GPR107: variants seen among roughly 807,000 people sequenced by gnomAD.
The protein encoded by GPR107 is G protein-coupled receptor 107.
Under a neutral mutation model 75.5 loss-of-function variants are expected in GPR107, and 31 were observed. The ratio of observed to expected loss-of-function variants is 0.41; its 90% CI spans 0.31 to 0.55. The LOEUF (loss-of-function observed/expected upper bound fraction) is 0.55. Among genes scored for constraint, GPR107 ranks in the 20% least tolerant of loss-of-function variants. The pLI is 0.26. For missense variants in GPR107, 572 were observed against 665.7 expected, an observed-to-expected ratio of 0.86 and a Z score of 1.55; for synonymous variants, 267 against 251.3, an observed-to-expected ratio of 1.06 and a Z score of -0.59.
intron 14 of GPR107, among the ~76,000 whole-genome samples, chr9:130,123,022 CAG>C (rs1178013517): frequency 6.6e-6 from 1 of 152,000 alleles, no homozygotes; most frequent in Admixed American, 6.6e-5. Context: ...TGATGAGAAC[CAG>C]AGAGATTTAA....
At chr9:130,113,692 T>C (rs1831357799) in intron 14 of GPR107, among the ~76,000 whole-genome samples, 1 of 152,204 alleles carries the variant, frequency 6.6e-6, no homozygotes, top group Non-Finnish European at 1.5e-5. Flanking sequence ...TCCATAGTCA[T>C]GCATGGGGGT....
Position 130,076,397 on chromosome 9 carries a change from T to C in GPR107, c.256-15T>C. 1 of 1,490,356 alleles carries C rather than the reference T, an allele frequency of 6.7e-7. No homozygotes were observed. Among genetic ancestry groups the C allele is most frequent in the South Asian group, 1.1e-5 (1 of 88,342 alleles). 92.3% of individuals were successfully genotyped at this position (1,490,356 alleles called of 1,614,324 possible). On this transcript the variant is annotated splice_polypyrimidine_tract_variant and intron_variant, in intron 2 of 17. Coordinates refer to ENST00000347136, the MANE Select transcript of GPR107 (RefSeq NM_020960.5). ...TGTGTAGATATTTACTTCTACTGTT[T>C]TTACTCCCCATTAGATTGGATTTAG...
intron 17 of GPR107, among the ~76,000 whole-genome samples, chr9:130,131,483 C>A (rs1831826357): frequency 6.6e-6 from 1 of 152,134 alleles, no homozygotes; most frequent in Non-Finnish European, 1.5e-5. Context: ...ACCTCCTGCG[C>A]TACCACACAC....
At position 130,064,373 on chromosome 9, in the gene GPR107, A is replaced by G. The variant is rs56130936; in HGVS notation, c.141+10300A>G. Reference sequence around the variant, plus strand: ...CCACCGCGCCCGGCTAATTTTTTGTATTTTTTTTAGTAGAGACGGGGTTTC... The same window carrying G: ...CCACCGCGCCCGGCTAATTTTTTGTGTTTTTTTTAGTAGAGACGGGGTTTC... On this transcript the variant is annotated intron_variant, in intron 1 of 17. Coordinates refer to ENST00000347136, the MANE Select transcript of GPR107 (RefSeq NM_020960.5). Among the ~76,000 whole-genome samples, 82 of 141,288 alleles carry G rather than the reference A, an allele frequency of 5.8e-4. 1 individual carries two copies. In the East Asian group the frequency reaches 0.014, roughly 25 times the overall value. 92.7% of individuals were successfully genotyped at this position (141,288 alleles called of 152,430 possible).
chr9:130,062,648 G>GCCTTCCTTCCTT (rs1335996975), intron 1 of GPR107, among the ~76,000 whole-genome samples: 1 of 95,416 alleles, frequency 1.0e-5, no homozygotes, highest in Non-Finnish European at 2.1e-5. Flanking sequence ...CTGCCTGCCT[G>GCCTTCCTTCCTT]CCTGCCTGCC....
Position 130,139,327 on chromosome 9 carries a change from C to T in GPR107, c.*4206C>T, listed in dbSNP as rs782326121. On this transcript the variant is annotated 3_prime_UTR_variant, in exon 18 of 18. Coordinates refer to ENST00000347136, the MANE Select transcript of GPR107 (RefSeq NM_020960.5). Reference sequence around the variant, plus strand: ...TTTCCCTAGGGTGTTTCTGGCAGGGCGTTTTTAAAAGGCATCTACCTGAGT... The same window carrying T: ...TTTCCCTAGGGTGTTTCTGGCAGGGTGTTTTTAAAAGGCATCTACCTGAGT... The T allele has an allele frequency of 7.2e-5, 11 of 152,146 alleles. No homozygotes were observed. Among genetic ancestry groups the T allele is most frequent in the Non-Finnish European group, 1.2e-4 (8 of 68,024 alleles). 9.4% of individuals were successfully genotyped at this position (152,146 alleles called of 1,614,324 possible).
chr9:130,081,277 C>T (rs1830488657), intron 5 of GPR107, among the ~76,000 whole-genome samples: 2 of 152,084 alleles, frequency 1.3e-5, no homozygotes, highest in African/African-American at 4.8e-5. Context: ...GTGGTTCATC[C>T]CTGTAATCCC....
chr9:130,093,187 GCCCAT>G (rs1564671371), intron 9 of GPR107, among the ~76,000 whole-genome samples: 2 of 146,950 alleles, frequency 1.4e-5, no homozygotes. Flanking sequence ...CCTCTTCAAA[GCCCAT>G]CTGCCTGGCT....
chr9:130,107,382 G>A, intron 13 of GPR107, 114 bp from the exon 14 acceptor site: 1 of 733,756 alleles, frequency 1.4e-6, no homozygotes, highest in South Asian at 1.5e-5. Context: ...AAGTGATGTA[G>A]TCCAACCTTT....
At chr9:130,113,818 T>A (rs1469542923) in intron 14 of GPR107, among the ~76,000 whole-genome samples, 2 of 152,144 alleles carry the variant, frequency 1.3e-5, no homozygotes, top group Non-Finnish European at 2.9e-5. Flanking sequence ...AGCAACCTCT[T>A]GTCAGGTTTT....
intron 1 of GPR107, among the ~76,000 whole-genome samples, chr9:130,070,014 A>ATTTTTTTTTTTTTTTTTTTTTTTT (rs1480334762): frequency 2.4e-5 from 1 of 42,346 alleles, no homozygotes; most frequent in African/African-American, 9.7e-5. Context: ...TTTTTTTTAA[A>ATTTTTTTTTTTTTTTTTTTTTTTT]TTTTTTTGAG....
In GPR107 at chr9:130,112,437, C is replaced by T. The variant is rs570881135; in HGVS notation, c.1306+4898C>T. On this transcript the variant is annotated intron_variant, in intron 14 of 17. Coordinates refer to ENST00000347136, the MANE Select transcript of GPR107 (RefSeq NM_020960.5). This position sits in a 1 kb window ranked among gnomAD's most constrained non-coding sequence, Gnocchi z 4.0. ...GAAAAGCAATGATGGGTGAAATTGC[C>T]GGCACCGTCACGTGATTCCAGGCTG... Among the ~76,000 whole-genome samples, 45 of 152,270 alleles carry T rather than the reference C, an allele frequency of 3.0e-4. No homozygotes were observed. Among genetic ancestry groups the T allele is most frequent in the East Asian group, 5.8e-4 (3 of 5,184 alleles).
At chr9:130,105,247 G>T (rs935401921) in intron 13 of GPR107, among the ~76,000 whole-genome samples, 8 of 151,606 alleles carry the variant, frequency 5.3e-5, no homozygotes, top group African/African-American at 1.9e-4. Context: ...CATTACAAGT[G>T]CTTCTTTTTT....
At chr9:130,132,646 G>T (rs1449211494) in intron 17 of GPR107, among the ~76,000 whole-genome samples, 1 of 152,046 alleles carries the variant, frequency 6.6e-6, no homozygotes, top group Non-Finnish European at 1.5e-5. Context: ...AGTTAGCTGG[G>T]CATGGGGACA....
intron 10 of GPR107, among the ~76,000 whole-genome samples, chr9:130,100,040 G>A (rs900332262): frequency 3.3e-5 from 5 of 151,416 alleles, no homozygotes; most frequent in African/African-American, 7.3e-5. Context: ...GACTACAGGC[G>A]CCCGCCACCA....
Position 130,100,614 on chromosome 9 carries a change from G to A in GPR107, c.940-15G>A, listed in dbSNP as rs775832710. On this transcript the variant is annotated splice_polypyrimidine_tract_variant and intron_variant, in intron 10 of 17. Coordinates refer to ENST00000347136, the MANE Select transcript of GPR107 (RefSeq NM_020960.5). The stretch of plus-strand genomic sequence containing the variant: ...AGATAATGAGTGATTCTGAAATGCA[G>A]TTGTTTGATTTCAGATTGACTACCA... 1.6e-5 allele frequency: 26 copies of A among 1,587,454 alleles called. No homozygotes were observed. The highest frequency in any genetic ancestry group is 2.1e-5 in the Non-Finnish European group (24 of 1,155,802).
chr9:130,076,364 T>G (rs1447243629), intron 2 of GPR107, 48 bp from the exon 3 acceptor site: 3 of 1,118,996 alleles, frequency 2.7e-6, no homozygotes, highest in Non-Finnish European at 4.1e-6. Context: ...AAGAAAAGTA[T>G]GGACAATTGT....
At chr9:130,084,306 G>A (rs1305291411) in intron 6 of GPR107, among the ~76,000 whole-genome samples, 1 of 151,670 alleles carries the variant, frequency 6.6e-6, no homozygotes. Flanking sequence ...GCTGAGGCAG[G>A]AGAATCACTT....
chr9:130,078,547 G>T (rs547944429), intron 4 of GPR107, among the ~76,000 whole-genome samples: 1 of 152,338 alleles, frequency 6.6e-6, no homozygotes, highest in South Asian at 2.1e-4. Context: ...ACTCTGGCGT[G>T]AATAGTGAAG....
Sources: gnomAD v4.1 joint callset for allele counts (sites outside exome capture counted in the v4.1 genomes callset) on GRCh38, gnomAD v4.1.1 for gene constraint, Gnocchi (gnomAD v3.1) non-coding constraint, MANE v1.5 for transcripts, NCBI Gene and HGNC (gene_info 2026-07-23, HGNC 2026-07-21) for gene names.